FRMD4B: variants seen among roughly 807,000 people sequenced by gnomAD.
FRMD4B encodes the protein FERM domain containing 4B, also known as FERM domain-containing protein 4B.
Under a neutral mutation model 141.5 loss-of-function variants are expected in FRMD4B, and 74 were observed. That is an observed-to-expected ratio of 0.52 (90% confidence interval 0.43 to 0.63). The LOEUF (loss-of-function observed/expected upper bound fraction) is 0.63, where lower values mean the gene tolerates loss of function less well. FRMD4B is among the 30% of genes least tolerant of loss of function. FRMD4B has a pLI of 0.00. For synonymous variants in FRMD4B, 506 were observed against 467.9 expected (o/e 1.08, Z -1.05); for missense variants, 1,366 against 1,253.4 (o/e 1.09, Z -1.36).
chr3:69,455,898 T>G (rs75063501), intron 1 of FRMD4B, among the ~76,000 whole-genome samples: 1 of 152,206 alleles, frequency 6.6e-6, no homozygotes. Context: ...AGGATCCTGT[T>G]CCACCATCAC....
chr3:69,456,176 C>G (rs999196860), intron 1 of FRMD4B, among the ~76,000 whole-genome samples: 4 of 151,560 alleles, frequency 2.6e-5, no homozygotes, highest in African/African-American at 9.8e-5. Context: ...CTCTTCCTTT[C>G]TGCTTCACAG....
chr3:69,210,772 G>A (rs978693506), intron 11 of FRMD4B, among the ~76,000 whole-genome samples: 10 of 152,108 alleles, frequency 6.6e-5, no homozygotes, highest in African/African-American at 2.4e-4. Flanking sequence ...CCAGAACTTT[G>A]GGAGGCTCAG....
chr3:69,446,365 A>G (rs1481687162), intron 1 of FRMD4B, among the ~76,000 whole-genome samples: 1 of 135,966 alleles, frequency 7.4e-6, no homozygotes, highest in Admixed American at 7.2e-5. Context: ...TGGAGTCTCA[A>G]TCTGTCATCC....
At chr3:69,177,710 A>G (rs942751827) in intron 21 of FRMD4B, among the ~76,000 whole-genome samples, 3 of 152,202 alleles carry the variant, frequency 2.0e-5, no homozygotes, top group African/African-American at 7.2e-5. Flanking sequence ...GACAAGCAAG[A>G]AAACAATTCT....
At chr3:69,459,194 T>C (rs1705670378) in intron 1 of FRMD4B, among the ~76,000 whole-genome samples, 1 of 152,374 alleles carries the variant, frequency 6.6e-6, no homozygotes, top group East Asian at 1.9e-4. Flanking sequence ...TCTCACTGCA[T>C]ACTAATACTT....
chr3:69,367,871 C>A (rs529151277), intron 1 of FRMD4B, among the ~76,000 whole-genome samples: 1 of 152,162 alleles, frequency 6.6e-6, no homozygotes, highest in Non-Finnish European at 1.5e-5. Flanking sequence ...TGACTGGAAA[C>A]AACTAGACTG....
Position 69,181,016 on chromosome 3 carries a change from G to A in FRMD4B, c.2734C>T (p.Gln912Ter), listed in dbSNP as rs746153581. 6.2e-7 allele frequency: 1 copy of A among 1,613,962 alleles called. No individual in the cohort carries two copies. The highest frequency in any genetic ancestry group is 8.5e-7 in the Non-Finnish European group (1 of 1,179,844). The change falls in exon 21 of 23, where the codon CAG becomes TAG. Residue 912 changes from glutamine (Q) to a stop codon, truncating the protein, a stop_gained. Transcript: ENST00000398540. LOFTEE classifies it high-confidence loss of function. ...WYQRASGQKD[Q>*]GHSPQTSFDS... Reference sequence around the variant, plus strand: ...AAGCTGGTCTGCGGGCTGTGTCCCTGATCCTTCTGCCCAGAGGCCCGCTGG... The same window carrying A: ...AAGCTGGTCTGCGGGCTGTGTCCCTAATCCTTCTGCCCAGAGGCCCGCTGG...
At chr3:69,416,061 T>C (rs1704853358) in intron 2 of FRMD4B, among the ~76,000 whole-genome samples, 1 of 152,248 alleles carries the variant, frequency 6.6e-6, no homozygotes, top group Non-Finnish European at 1.5e-5. Flanking sequence ...GGAACCACTT[T>C]TTGCTTTGAC....
intron 11 of FRMD4B, among the ~76,000 whole-genome samples, chr3:69,204,180 C>A (rs1252447005): frequency 6.6e-6 from 1 of 152,102 alleles, no homozygotes; most frequent in East Asian, 1.9e-4. Flanking sequence ...TGTGTCCCAG[C>A]ATGTACAAAA....
intron 5 of FRMD4B, among the ~76,000 whole-genome samples, chr3:69,270,122 C>T (rs747283543): frequency 2.0e-5 from 3 of 152,080 alleles, no homozygotes; most frequent in Non-Finnish European, 2.9e-5. Flanking sequence ...CTCAAGCAAT[C>T]CTCCTGCCTT....
intron 3 of FRMD4B, among the ~76,000 whole-genome samples, chr3:69,306,959 T>C (rs1235687294): frequency 6.6e-6 from 1 of 152,086 alleles, no homozygotes; most frequent in Non-Finnish European, 1.5e-5. Flanking sequence ...GACCAAGACA[T>C]TCCAAGGAGA....
chr3:69,539,915 C>A (rs1468408572), intron 1 of FRMD4B, among the ~76,000 whole-genome samples: 1 of 152,174 alleles, frequency 6.6e-6, no homozygotes, highest in East Asian at 1.9e-4. Flanking sequence ...ATTGGCCGGG[C>A]CCTGTGGCTC....
rs140019219 is a variant in FRMD4B at position 69,289,205 on chromosome 3, C to T, written c.417-1369G>A. 3.2e-4 allele frequency among the ~76,000 whole-genome samples: 48 copies of T among 152,290 alleles called. No homozygotes were observed. The East Asian group carries it at 9.1e-3, about 29-fold the overall frequency. On this transcript the variant is annotated intron_variant, in intron 4 of 22. Coordinates refer to ENST00000398540, the MANE Select transcript of FRMD4B (RefSeq NM_015123.3). ...TCAAGATGTAGTGTTTCATGTCCAC[C>T]ATTTATTCGCTGTATGGCCTTGGGC...
chr3:69,188,813 G>T (rs1026549289), intron 18 of FRMD4B, among the ~76,000 whole-genome samples: 2 of 151,016 alleles, frequency 1.3e-5, no homozygotes, highest in African/African-American at 4.9e-5. Flanking sequence ...GTGGGGGTGT[G>T]GTTTCCTGGA....
At chr3:69,289,060 C>G (rs535063687) in intron 4 of FRMD4B, among the ~76,000 whole-genome samples, 1 of 152,234 alleles carries the variant, frequency 6.6e-6, no homozygotes, top group East Asian at 1.9e-4. Context: ...TTTTATCTCA[C>G]TTGTAAGTGA....
intron 5 of FRMD4B, 99 bp from the exon 6 acceptor site, chr3:69,250,198 A>C: frequency 1.2e-6 from 1 of 831,978 alleles, no homozygotes; most frequent in Non-Finnish European, 2.1e-6. Flanking sequence ...TGGCACCTCC[A>C]GTTTACGATC....
intron 11 of FRMD4B, among the ~76,000 whole-genome samples, chr3:69,205,718 C>T (rs1298664181): frequency 1.3e-5 from 2 of 152,192 alleles, no homozygotes; most frequent in Non-Finnish European, 2.9e-5. Flanking sequence ...GATGCCCCCA[C>T]AACAGAGAAC....
intron 1 of FRMD4B, among the ~76,000 whole-genome samples, chr3:69,359,768 A>G (rs955615847): frequency 6.6e-6 from 1 of 152,208 alleles, no homozygotes; most frequent in East Asian, 1.9e-4. Context: ...GTTTTACCAT[A>G]AGGCACGTGC....
At chr3:69,310,545 C>CAA in intron 3 of FRMD4B, 1 of 425,842 alleles carries the variant, frequency 2.3e-6, no homozygotes, top group Non-Finnish European at 4.6e-6. Context: ...GACAGATACA[C>CAA]ACAGACAAAC....
Sources: allele counts gnomAD v4.1 joint callset (sites outside exome capture counted in the v4.1 genomes callset), GRCh38; gene constraint gnomAD v4.1.1; transcripts MANE v1.5; gene names NCBI Gene and HGNC (gene_info 2026-07-23, HGNC 2026-07-21).